MEMO1: variants seen among roughly 807,000 people sequenced by gnomAD.
The protein encoded by MEMO1 is protein MEMO1.
Under a neutral mutation model 45.2 loss-of-function variants are expected in MEMO1, and 6 were observed. That is an observed-to-expected ratio of 0.13 (90% CI 0.07 to 0.26). The LOEUF is 0.26. Ranked by LOEUF, MEMO1 falls within the 10% of genes least tolerant of loss-of-function variation. MEMO1 has a pLI of 1.00. For missense variants in MEMO1, 184 were observed against 370.5 expected (o/e 0.50, Z 4.13); for synonymous variants, 78 against 124.3 (o/e 0.63, Z 2.48).
intron 2 of MEMO1, among the ~76,000 whole-genome samples, chr2:31,960,792 G>T (rs1035006564): frequency 6.6e-6 from 1 of 151,832 alleles, no homozygotes; most frequent in Non-Finnish European, 1.5e-5. Flanking sequence ...CCCCATGTTG[G>T]TCAGACTGCT....
At chr2:31,967,182 G>A (rs558992114) in intron 2 of MEMO1, among the ~76,000 whole-genome samples, 3 of 151,196 alleles carry the variant, frequency 2.0e-5, no homozygotes, top group South Asian at 2.1e-4. Flanking sequence ...GGAGTGCAGC[G>A]GCGCCATCTC....
intron 6 of MEMO1, among the ~76,000 whole-genome samples, chr2:31,902,429 A>C (rs1447683686): frequency 6.6e-6 from 1 of 152,160 alleles, no homozygotes; most frequent in Non-Finnish European, 1.5e-5. Context: ...TTGAACTCTT[A>C]CATGAGTGAA....
chr2:31,985,020 T>C (rs1045644281), intron 2 of MEMO1, among the ~76,000 whole-genome samples: 1 of 152,218 alleles, frequency 6.6e-6, no homozygotes, highest in African/African-American at 2.4e-5. Context: ...AACTTTTCAG[T>C]AAATCTAAAA....
intron 8 of MEMO1, among the ~76,000 whole-genome samples, chr2:31,875,049 T>TA (rs1251835994): frequency 6.6e-6 from 1 of 151,968 alleles, no homozygotes; most frequent in East Asian, 1.9e-4. Context: ...AACAATATAC[T>TA]AATAAAATAG....
intron 2 of MEMO1, among the ~76,000 whole-genome samples, chr2:31,970,196 C>A (rs534816698): frequency 4.0e-5 from 6 of 151,726 alleles, no homozygotes; most frequent in Non-Finnish European, 5.9e-5. Flanking sequence ...GGTCTGAACT[C>A]CTGACCTCAA....
chr2:31,907,686 G>A (rs1266738958), intron 6 of MEMO1, among the ~76,000 whole-genome samples: 1 of 151,866 alleles, frequency 6.6e-6, no homozygotes, highest in African/African-American at 2.4e-5. Context: ...CCAGCTATTT[G>A]GAACGCTGAG....
chr2:32,004,619 T>C (rs1385014611), intron 2 of MEMO1, among the ~76,000 whole-genome samples: 1 of 152,106 alleles, frequency 6.6e-6, no homozygotes, highest in Non-Finnish European at 1.5e-5. Flanking sequence ...TTTAGCAGAA[T>C]CTACTAAAAC....
At chr2:31,979,281 AT>A (rs1670374340) in intron 2 of MEMO1, among the ~76,000 whole-genome samples, 1 of 152,218 alleles carries the variant, frequency 6.6e-6, no homozygotes, top group Non-Finnish European at 1.5e-5. Flanking sequence ...GGGGATTACA[AT>A]TCAAGATAAG....
At chr2:31,891,070 G>A (rs1676904005) in intron 7 of MEMO1, among the ~76,000 whole-genome samples, 1 of 152,138 alleles carries the variant, frequency 6.6e-6, no homozygotes, top group South Asian at 2.1e-4. Context: ...CAATCAGTGG[G>A]TAAGACACAT....
intron 6 of MEMO1, among the ~76,000 whole-genome samples, chr2:31,915,564 A>G (rs563777755): frequency 1.2e-4 from 18 of 147,966 alleles, no homozygotes; most frequent in African/African-American, 2.5e-4. Flanking sequence ...CAGAAGGGGG[A>G]AAAAAAAAGA....
At chr2:31,906,216 C>T (rs1018615680) in intron 6 of MEMO1, among the ~76,000 whole-genome samples, 5 of 152,204 alleles carry the variant, frequency 3.3e-5, no homozygotes, top group East Asian at 1.9e-4. Context: ...GTGATCCACC[C>T]GCCTCAACCT....
intron 6 of MEMO1, among the ~76,000 whole-genome samples, chr2:31,915,227 C>A (rs1681251984): frequency 6.6e-6 from 1 of 152,062 alleles, no homozygotes; most frequent in African/African-American, 2.4e-5. Flanking sequence ...AGATTTTGAG[C>A]CTAGGGTCAT....
intron 6 of MEMO1, among the ~76,000 whole-genome samples, chr2:31,897,564 A>C (rs1019087469): frequency 6.6e-6 from 1 of 152,218 alleles, no homozygotes; most frequent in African/African-American, 2.4e-5. Context: ...CCAGGGATGA[A>C]GCCAAATTGA....
At chr2:31,878,404 T>C (rs1337035766) in intron 8 of MEMO1, among the ~76,000 whole-genome samples, 1 of 152,072 alleles carries the variant, frequency 6.6e-6, no homozygotes, top group Non-Finnish European at 1.5e-5. Flanking sequence ...AATAATTGCT[T>C]TGGTTCCTAC....
At chr2:31,951,522 T>G (rs1216371506) in intron 2 of MEMO1, among the ~76,000 whole-genome samples, 1 of 151,828 alleles carries the variant, frequency 6.6e-6, no homozygotes, top group Non-Finnish European at 1.5e-5. Flanking sequence ...TAATGGTTTT[T>G]TTTTTTTTTT....
chr2:31,913,953 C>A lies in MEMO1; in HGVS notation c.437+3973G>T, dbSNP rs143021251. Among the ~76,000 whole-genome samples the A allele has an allele frequency of 1.6e-4, 24 of 152,196 alleles. 1 individual carries two copies. The highest frequency in any genetic ancestry group is 3.5e-4 in the Non-Finnish European group (24 of 68,006). On this transcript the variant is annotated intron_variant, in intron 6 of 9. Coordinates refer to ENST00000404530, the MANE Select transcript of MEMO1 (RefSeq NM_001301833.4). ...AGAATGAGGCATAAGTGATGCTGTG[C>A]CAGTTCTAGACTTCGATATTAAGAG... is the stretch of plus-strand genomic sequence containing the variant.
chr2:31,927,050 G>C (rs1243946523), intron 4 of MEMO1, among the ~76,000 whole-genome samples: 2 of 152,052 alleles, frequency 1.3e-5, no homozygotes, highest in East Asian at 3.9e-4. Flanking sequence ...CAAATATTCG[G>C]CTGGGTGCGG....
At chr2:31,942,677 A>G (rs1198130328) in intron 3 of MEMO1, among the ~76,000 whole-genome samples, 1 of 151,892 alleles carries the variant, frequency 6.6e-6, no homozygotes, top group Non-Finnish European at 1.5e-5. Flanking sequence ...GCGTACCATC[A>G]CACCCAGCTA....
intron 2 of MEMO1, among the ~76,000 whole-genome samples, chr2:31,946,341 G>C (rs1572768576): frequency 6.6e-6 from 1 of 151,848 alleles, no homozygotes; most frequent in East Asian, 1.9e-4. Context: ...CACATAAACA[G>C]GTCAAGTTTA....
Sources: allele counts gnomAD v4.1 joint callset (sites outside exome capture counted in the v4.1 genomes callset), GRCh38; gene constraint gnomAD v4.1.1; transcripts MANE v1.5; gene names NCBI Gene and HGNC (gene_info 2026-07-23, HGNC 2026-07-21).